SYNE1: variants seen among roughly 807,000 people sequenced by gnomAD.
The protein encoded by SYNE1 is nesprin-1.
A neutral mutation model predicts 1,111.0 loss-of-function variants in SYNE1; 616 were observed. The ratio of observed to expected loss-of-function variants is 0.55; its 90% CI spans 0.52 to 0.59. SYNE1 has a LOEUF of 0.59. Ranked by LOEUF, SYNE1 falls within the 20% of genes least tolerant of loss-of-function variation. The pLI is 0.00. For missense variants in SYNE1, 10,006 were observed against 10,417.0 expected (o/e 0.96, Z 1.72); for synonymous variants, 3,855 against 3,825.8 (o/e 1.01, Z -0.28).
At chr6:152,384,124 G>C (rs975566503) in intron 55 of SYNE1, among the ~76,000 whole-genome samples, 2 of 152,164 alleles carry the variant, frequency 1.3e-5, no homozygotes, top group African/African-American at 4.8e-5. Flanking sequence ...TTATCAGACA[G>C]GTACTATTTT....
In SYNE1 at chr6:152,243,806, G is replaced by C. The variant is rs552895097; in HGVS notation, c.19692+731C>G. On this transcript the variant is annotated intron_variant, in intron 106 of 145. Transcript: ENST00000367255. ...ATCTAACATGTGTGTCTGTGTGACT[G>C]TACACAGTTGTACACAATTTTTTCT... is the stretch of plus-strand genomic sequence containing the variant. 1.5e-4 allele frequency among the ~76,000 whole-genome samples: 23 copies of C among 152,322 alleles called. No individual in the cohort carries two copies. The South Asian group carries it at 4.8e-3, about 32-fold the overall frequency.
intron 14 of SYNE1, among the ~76,000 whole-genome samples, chr6:152,480,584 T>C (rs770413046): frequency 2.5e-4 from 38 of 152,190 alleles, no homozygotes; most frequent in African/African-American, 4.3e-4. Context: ...GCTCCTAATA[T>C]ATATTTTTCA....
intron 28 of SYNE1, 32 bp from the exon 29 acceptor site, chr6:152,447,654 G>C: frequency 1.2e-6 from 2 of 1,613,682 alleles, no homozygotes; most frequent in Non-Finnish European, 1.7e-6. Flanking sequence ...GATGAACACA[G>C]TGCAATTGTG....
At chr6:152,332,508 T>A (rs865927974) in intron 77 of SYNE1, among the ~76,000 whole-genome samples, 13 of 152,306 alleles carry the variant, frequency 8.5e-5, no homozygotes, top group Middle Eastern at 3.4e-3. Context: ...GCAGAATCTA[T>A]ATGGTAACAG....
intron 87 of SYNE1, 137 bp from the exon 88 acceptor site, chr6:152,311,010 C>G: frequency 1.2e-6 from 1 of 833,018 alleles, no homozygotes; most frequent in Non-Finnish European, 2.0e-6. Flanking sequence ...CCCATGACCA[C>G]TTTCTACTTG....
Position 152,416,886 on chromosome 6 carries a change from G to A in SYNE1, c.5551C>T (p.Gln1851Ter). 6.2e-7 allele frequency: 1 copy of A among 1,613,966 alleles called. No individual in the cohort carries two copies. The part of the protein sequence containing the change: ...LLQGKAEDCF[Q>*]LFEEASQVVE... ...ACCTGGCTGGCCTCCTCAAACAGCT[G>A]GAAGCAGTCCTCAGCCTTTCCCTGC... The change falls in exon 41 of 146, where the codon CAG becomes TAG. Residue 1851 changes from glutamine (Q) to a stop codon, truncating the protein, a stop_gained. Coordinates refer to ENST00000367255, the MANE Select transcript of SYNE1 (RefSeq NM_182961.4). LOFTEE classifies it high-confidence loss of function.
At chr6:152,363,431 T>C (rs1329534132) in intron 63 of SYNE1, among the ~76,000 whole-genome samples, 1 of 150,272 alleles carries the variant, frequency 6.7e-6, no homozygotes, top group Non-Finnish European at 1.5e-5. Context: ...GAGGCGGAGC[T>C]CGCAGTGAGC....
In SYNE1 at chr6:152,525,859, A is replaced by C. The variant is rs200053678; in HGVS notation, c.225+221T>G. Reference sequence around the variant, plus strand: ...CTTAATTGTAAGGTTGTTATTATAAACATAACATTTTAAATGCACTAGGGG... The same window carrying C: ...CTTAATTGTAAGGTTGTTATTATAACCATAACATTTTAAATGCACTAGGGG... On this transcript the variant is annotated intron_variant, in intron 5 of 145. Transcript: ENST00000367255. Among the ~76,000 whole-genome samples the C allele has an allele frequency of 2.0e-5, 3 of 152,320 alleles. No homozygotes were observed. The East Asian group carries it at 5.8e-4, about 29-fold the overall frequency.
At chr6:152,487,640 G>A (rs371626681) in intron 12 of SYNE1, among the ~76,000 whole-genome samples, 3 of 152,264 alleles carry the variant, frequency 2.0e-5, no homozygotes, top group East Asian at 3.9e-4. Flanking sequence ...TAGGCAGGTC[G>A]CAGTCGAAAC....
intron 3 of SYNE1, among the ~76,000 whole-genome samples, chr6:152,584,299 G>T (rs1336165263): frequency 6.6e-6 from 1 of 151,974 alleles, no homozygotes; most frequent in Non-Finnish European, 1.5e-5. Context: ...CACAAAATCG[G>T]ATCATACTAT....
In SYNE1 at chr6:152,256,762, A is replaced by G. The variant is rs1405275112; in HGVS notation, c.18976T>C (p.Tyr6326His). The G allele has an allele frequency of 6.2e-7, 1 of 1,613,576 alleles. No homozygotes were observed. The highest frequency in any genetic ancestry group is 2.2e-5 in the East Asian group (1 of 44,880). ...GACAAGAGTCGATTTGGCCTGCTAT[A>G]AAGCTGTAGGCAAACAAAGGCAGCT... ...VLEQEQEQVL[Y>H]SRPNRLLSGV... Residue 6326 changes from tyrosine (Y) to histidine (H), a missense_variant, in exon 102 of 146, where the codon TAT becomes CAT. Transcript: ENST00000367255.
At chr6:152,157,950 G>A (rs2061698585) in intron 131 of SYNE1, among the ~76,000 whole-genome samples, 1 of 152,018 alleles carries the variant, frequency 6.6e-6, no homozygotes, top group Admixed American at 6.6e-5. Flanking sequence ...GTAGAGACGG[G>A]GTTTCCCCAT....
chr6:152,462,787 G>T lies in SYNE1; in HGVS notation c.2201C>A (p.Pro734His). The T allele has an allele frequency of 6.2e-7, 1 of 1,613,944 alleles. No individual in the cohort carries two copies. Among genetic ancestry groups the T allele is most frequent in the Non-Finnish European group, 8.5e-7 (1 of 1,179,916 alleles). ...ATEAHKKLSE[P>H]LEVSFMNVKL... ...GACATTCATAAAAGAGACTTCTAAG[G>T]GTTCAGAAAGTTTCTTATGGGCTTC... The change falls in exon 20 of 146, where the codon CCC (proline) becomes CAC (histidine). Residue 734 changes from proline to histidine, a missense_variant. Around this residue, in one of 7 missense-constraint regions of SYNE1, gnomAD observed 1,971 missense variants for 2,084.1 expected, o/e 0.95. Transcript: ENST00000367255.
In SYNE1 at chr6:152,395,711, T is replaced by C. The variant is rs762063280; in HGVS notation, c.7557-40A>G. 12 of 1,608,462 alleles carry C rather than the reference T, an allele frequency of 7.5e-6. No individual in the cohort carries two copies. In the African/African-American group the frequency reaches 1.3e-4, roughly 18 times the overall value. ...ATGCCTTAGAGAAATTCTTACATGCTTGTTATGATAAATTACTTTTAATAG... is the reference window on the plus strand; with the variant it reads ...ATGCCTTAGAGAAATTCTTACATGCCTGTTATGATAAATTACTTTTAATAG... On this transcript the variant is annotated intron_variant, in intron 50 of 145. Coordinates refer to ENST00000367255, the MANE Select transcript of SYNE1 (RefSeq NM_182961.4).
rs1192030269 is a variant in SYNE1, at chr6:152,364,666, G to GGGAAGGA, written c.10145+174_10145+180dup. On this transcript the variant is annotated intron_variant, in intron 63 of 145. Transcript: ENST00000367255. ...GGAAGAAAGGAAAGGGAGTGAGGGA[G>GGGAAGGA]GGAAGGAGGAAGGAGGAAGGAGGAA... Among the ~76,000 whole-genome samples the GGGAAGGA allele has an allele frequency of 1.4e-3, 187 of 130,234 alleles. 2 individuals carry two copies. The highest frequency in any genetic ancestry group is 5.2e-3 in the African/African-American group (177 of 34,230). The allele number at this position is 130,234 out of a possible 152,430, so 85.4% of individuals were successfully genotyped here. A position where few individuals can be genotyped will look rare whatever the true frequency, so the allele number is the denominator to read the frequency against.
chr6:152,323,645 A>T lies in SYNE1; in HGVS notation c.15750T>A (p.Leu5250=), dbSNP rs779480129. 1.2e-6 allele frequency: 2 copies of T among 1,614,230 alleles called. No homozygotes were observed. Among genetic ancestry groups the T allele is most frequent in the Admixed American group, 3.3e-5 (2 of 60,030 alleles). ...EKASKAELLT[L]LEYHDTFVLE... is the part of the protein sequence containing the mutation. Reference sequence around the variant, plus strand: ...GAACGAACGTGTCGTGGTATTCAAGAAGAGTTAAGAGCTCTGCTTTCGATG... The same window carrying T: ...GAACGAACGTGTCGTGGTATTCAAGTAGAGTTAAGAGCTCTGCTTTCGATG... Residue 5250 remains leucine (L), a synonymous_variant, in exon 82 of 146, where the codon CTT becomes CTA. Transcript: ENST00000367255.
In SYNE1 at chr6:152,325,323, C is replaced by T. The variant is rs533261410; in HGVS notation, c.15439-21G>A. On this transcript the variant is annotated intron_variant, in intron 80 of 145. Transcript: ENST00000367255. ...AAAGCCTAGGGTTGGGGGTGGAGGA[C>T]GGAAGAGAGGAGACAAGGGAGAGAT... The T allele has an allele frequency of 7.3e-5, 118 of 1,610,646 alleles. 2 individuals are homozygous for T. The highest frequency in any genetic ancestry group is 4.4e-4 in the South Asian group (40 of 90,980).
intron 87 of SYNE1, chr6:152,315,784 G>A (rs988603151): frequency 2.0e-5 from 3 of 152,118 alleles, no homozygotes; most frequent in South Asian, 2.1e-4. Flanking sequence ...GCAAAAGATT[G>A]GAGTTGCTTA....
At position 152,269,214 on chromosome 6, in the gene SYNE1, G is replaced by A. The variant is rs2092995140; in HGVS notation, c.18646C>T (p.Leu6216=). The change falls in exon 99 of 146, where the codon CTG becomes TTG. Residue 6216 remains leucine (L), a synonymous_variant. Transcript: ENST00000367255. The part of the protein sequence containing the change: ...ATQSPGVQEW[L]AQARTTWTQQ... The stretch of plus-strand genomic sequence containing the variant: ...GTCCATGTGGTGCGAGCTTGGGCCA[G>A]CCATTCCTGGACGCCGGGGCTCTGC... 1 of 1,614,114 alleles carries A rather than the reference G, an allele frequency of 6.2e-7. No individual in the cohort carries two copies. The highest frequency in any genetic ancestry group is 1.3e-5 in the African/African-American group (1 of 74,948).
Sources: allele counts gnomAD v4.1 joint callset (sites outside exome capture counted in the v4.1 genomes callset), GRCh38; gene constraint gnomAD v4.1.1; regional missense constraint gnomAD v4.1.1; transcripts MANE v1.5; gene names NCBI Gene and HGNC (gene_info 2026-07-23, HGNC 2026-07-21).